EPM2A: variants seen among roughly 807,000 people sequenced by gnomAD.
EPM2A encodes the protein EPM2A glucan phosphatase, laforin, also known as laforin.
A neutral mutation model predicts 26.5 loss-of-function variants in EPM2A; 21 were observed. That is an observed-to-expected ratio of 0.79 (90% CI 0.56 to 1.14). The LOEUF (loss-of-function observed/expected upper bound fraction) is 1.14. EPM2A is among the 50% of genes most tolerant of loss of function. EPM2A has a pLI of 0.00. For synonymous variants in EPM2A, 217 were observed against 177.6 expected, an observed-to-expected ratio of 1.22 and a Z score of -1.76; for missense variants, 458 against 440.8, an observed-to-expected ratio of 1.04 and a Z score of -0.35.
Position 145,536,234 on chromosome 6 carries a change from T to C in EPM2A, c.341-33659A>G, listed in dbSNP as rs192203899. 1.1e-3 allele frequency among the ~76,000 whole-genome samples: 167 copies of C among 151,930 alleles called. 1 individual carries two copies. Among genetic ancestry groups the C allele is most frequent in the Non-Finnish European group, 1.7e-3 (117 of 67,996 alleles). ...AAGTTTGATAGTTTGATTGTCTCCCTTCCCCAGGTTGGTTTTTTGTTTTTG... is the reference window on the plus strand; with the variant it reads ...AAGTTTGATAGTTTGATTGTCTCCCCTCCCCAGGTTGGTTTTTTGTTTTTG... On this transcript the variant is annotated intron_variant, in intron 2 of 3. Transcript: ENST00000450221.
chr6:145,617,311 C>A (rs1338819755), intron 2 of EPM2A, among the ~76,000 whole-genome samples: 1 of 152,160 alleles, frequency 6.6e-6, no homozygotes, highest in Admixed American at 6.5e-5. Context: ...ATGAGGCCTT[C>A]CCAGCCACAT....
intron 2 of EPM2A, among the ~76,000 whole-genome samples, chr6:145,545,658 C>T (rs1362958744): frequency 6.6e-6 from 1 of 152,136 alleles, no homozygotes; most frequent in African/African-American, 2.4e-5. Context: ...CCCCATCCAC[C>T]TTAATGGCTT....
intron 2 of EPM2A, among the ~76,000 whole-genome samples, chr6:145,539,155 A>G (rs1780473433): frequency 6.6e-6 from 1 of 152,252 alleles, no homozygotes; most frequent in South Asian, 2.1e-4. Flanking sequence ...ATCATGCCTC[A>G]GGGAGCAAAA....
At chr6:145,560,212 T>C (rs1445223128) in intron 2 of EPM2A, among the ~76,000 whole-genome samples, 1 of 152,142 alleles carries the variant, frequency 6.6e-6, no homozygotes, top group Non-Finnish European at 1.5e-5. Flanking sequence ...CAGTAAATCA[T>C]TTCTGCTTAG....
intron 2 of EPM2A, among the ~76,000 whole-genome samples, chr6:145,608,344 T>C (rs566660658): frequency 2.1e-4 from 32 of 152,296 alleles, no homozygotes; most frequent in African/African-American, 7.2e-4. Context: ...CAAGCATGCA[T>C]GCACAGACAT....
intron 1 of EPM2A, among the ~76,000 whole-genome samples, chr6:145,696,821 GT>G (rs372234196): frequency 3.6e-5 from 5 of 137,216 alleles, no homozygotes; most frequent in African/African-American, 5.7e-5. Context: ...GTGTGTGTGT[GT>G]GTGTGGTGTG....
chr6:145,385,200 T>C (rs1338144520), intron 4 of EPM2A, among the ~76,000 whole-genome samples: 1 of 147,142 alleles, frequency 6.8e-6, no homozygotes, highest in Non-Finnish European at 1.5e-5. Flanking sequence ...GTGTACATCT[T>C]TGAGAACAAA....
chr6:145,496,728 A>ATGTTTTTTTTTTTTTTTTT (rs779194973), downstream of EPM2A, among the ~76,000 whole-genome samples: 114 of 106,874 alleles, frequency 1.1e-3, 24 homozygotes, highest in Non-Finnish European at 1.4e-3. Flanking sequence ...AGTTCCTGCA[A>ATGTTTTTTTTTTTTTTTTT]TTTTTTTTTT....
At chr6:145,416,489 T>G (rs769076563) in intron 4 of EPM2A, among the ~76,000 whole-genome samples, 4 of 152,106 alleles carry the variant, frequency 2.6e-5, no homozygotes, top group African/African-American at 4.8e-5. Flanking sequence ...GTAGGATATA[T>G]TGAGCAACAA....
At chr6:145,464,514 T>C (rs58271163) in intron 4 of EPM2A, among the ~76,000 whole-genome samples, 5,907 of 152,254 alleles carry the variant, frequency 0.039, 166 homozygotes, top group African/African-American at 0.074. Flanking sequence ...AAAAAATGTA[T>C]CATTTTCTTT....
chr6:145,508,525 A>G (rs922309900), intron 2 of EPM2A, among the ~76,000 whole-genome samples: 2 of 152,232 alleles, frequency 1.3e-5, no homozygotes, highest in African/African-American at 4.8e-5. Flanking sequence ...CAAATCAATG[A>G]TACACAATAA....
chr6:145,720,741 A>G (rs1775909019), intron 1 of EPM2A, among the ~76,000 whole-genome samples: 1 of 152,234 alleles, frequency 6.6e-6, no homozygotes, highest in Non-Finnish European at 1.5e-5. Flanking sequence ...CCTAACATAC[A>G]GAGTTCATAA....
intron 1 of EPM2A, among the ~76,000 whole-genome samples, chr6:145,714,255 C>A (rs1271471349): frequency 2.0e-5 from 3 of 152,174 alleles, no homozygotes; most frequent in African/African-American, 7.2e-5. Context: ...GCTCAAGTCC[C>A]AGATATAAAA....
intron 4 of EPM2A, among the ~76,000 whole-genome samples, chr6:145,456,663 T>C (rs1224065726): frequency 6.6e-6 from 1 of 152,130 alleles, no homozygotes; most frequent in Non-Finnish European, 1.5e-5. Context: ...AGGAAAAAAT[T>C]AAGAGGAATT....
At chr6:145,453,322 A>G (rs921380474) in intron 4 of EPM2A, among the ~76,000 whole-genome samples, 1 of 152,208 alleles carries the variant, frequency 6.6e-6, no homozygotes, top group South Asian at 2.1e-4. Flanking sequence ...GTGGGGGGAA[A>G]AAAGATTCTC....
At chr6:145,467,908 T>G (rs1019868446) in intron 4 of EPM2A, among the ~76,000 whole-genome samples, 1 of 152,122 alleles carries the variant, frequency 6.6e-6, no homozygotes, top group African/African-American at 2.4e-5. Flanking sequence ...TTACCCTATA[T>G]GGAAATATTA....
At chr6:145,701,904 C>T (rs9376958) in intron 1 of EPM2A, among the ~76,000 whole-genome samples, 81,820 of 151,550 alleles carry the variant, frequency 0.54, 22,551 homozygotes, top group East Asian at 0.67. Flanking sequence ...CCAATTGCCA[C>T]ACACACACAC....
chr6:145,529,953 G>T (rs1562371330), intron 2 of EPM2A, among the ~76,000 whole-genome samples: 1 of 152,098 alleles, frequency 6.6e-6, no homozygotes, highest in Admixed American at 6.5e-5. Context: ...ATTGCATGGG[G>T]TTATTATCAT....
In EPM2A at chr6:145,522,769, C is replaced by T. The variant is rs1312589012; in HGVS notation, c.341-20194G>A. ...TTATCTTGTGCTTGCACTATTCCTC[C>T]CTCACCTTTTGCTAATTACCAGCAC... is the stretch of plus-strand genomic sequence containing the variant. On this transcript the variant is annotated intron_variant, in intron 2 of 3. Transcript: ENST00000450221. 1.5e-4 allele frequency among the ~76,000 whole-genome samples: 23 copies of T among 152,132 alleles called. 1 individual carries two copies. The highest frequency in any genetic ancestry group is 1.4e-3 in the Admixed American group (22 of 15,264).
Sources: allele counts gnomAD v4.1 joint callset (sites outside exome capture counted in the v4.1 genomes callset), GRCh38; gene constraint gnomAD v4.1.1; transcripts MANE v1.5; gene names NCBI Gene and HGNC (gene_info 2026-07-23, HGNC 2026-07-21).